CDON: variants seen among roughly 807,000 people sequenced by gnomAD.
CDON encodes cell adhesion molecule-related/down-regulated by oncogenes.
In CDON, 73 loss-of-function variants were observed where a neutral mutation model predicts 120.9. The observed-to-expected ratio is 0.60, with a 90% CI of 0.50 to 0.73. CDON has a LOEUF of 0.73. Among genes scored for constraint, CDON ranks in the 30% least tolerant of loss-of-function variants. The probability of loss-of-function intolerance (pLI) is 0.00; values close to 1 mark genes in which losing one functional copy is unlikely to be tolerated. For missense variants in CDON, 1,470 were observed against 1,587.3 expected (o/e 0.93, Z 1.26); for synonymous variants, 566 against 573.5 (o/e 0.99, Z 0.19).
In CDON at chr11:125,960,018, C is replaced by T. The variant is rs1196387260; in HGVS notation, c.*924G>A. 1 of 152,214 alleles carries T rather than the reference C, an allele frequency of 6.6e-6. No individual in the cohort carries two copies. Among genetic ancestry groups the T allele is most frequent in the African/African-American group, 2.4e-5 (1 of 41,450 alleles). The allele number at this position is 152,214 out of a possible 1,614,324, so 9.4% of individuals were successfully genotyped here. A position where few individuals can be genotyped will look rare whatever the true frequency, so the allele number is the denominator to read the frequency against. On this transcript the variant is annotated 3_prime_UTR_variant, in exon 20 of 20. Transcript: ENST00000531738. ...TGCCGTAATTCATCAAGACCTTACACTCCACCACGTCCATAACACTATGAC... is the reference window on the plus strand; with the variant it reads ...TGCCGTAATTCATCAAGACCTTACATTCCACCACGTCCATAACACTATGAC...
chr11:126,018,482 G>T lies in CDON; in HGVS notation c.497-9C>A. The T allele has an allele frequency of 6.2e-7, 1 of 1,613,108 alleles. No individual in the cohort carries two copies. The highest frequency in any genetic ancestry group is 8.5e-7 in the Non-Finnish European group (1 of 1,179,156). On this transcript the variant is annotated splice_polypyrimidine_tract_variant and intron_variant, in intron 4 of 19. Transcript: ENST00000531738. Reference sequence around the variant, plus strand: ...AAGGATTAAGTAATTCTCTGAGGAAGGAAGGGAGTGCAGTTAGGCCTCTCC... The same window carrying T: ...AAGGATTAAGTAATTCTCTGAGGAATGAAGGGAGTGCAGTTAGGCCTCTCC...
At chr11:126,046,032 A>G (rs1948399261) in intron 1 of CDON, among the ~76,000 whole-genome samples, 1 of 152,188 alleles carries the variant, frequency 6.6e-6, no homozygotes, top group Non-Finnish European at 1.5e-5. Flanking sequence ...CCTTTTTAGC[A>G]AAATACAGAA....
At chr11:125,994,461 A>G (rs1324582722) in intron 13 of CDON, 72 bp from the exon 14 acceptor site, 2 of 856,302 alleles carry the variant, frequency 2.3e-6, no homozygotes, top group Non-Finnish European at 4.0e-6. Flanking sequence ...AGGTTTCTTT[A>G]TCTACTTGGT....
At chr11:125,988,421 A>G (rs1353859597) in intron 15 of CDON, among the ~76,000 whole-genome samples, 3 of 152,100 alleles carry the variant, frequency 2.0e-5, no homozygotes, top group Admixed American at 6.6e-5. Flanking sequence ...TCTCGCCCAG[A>G]CTGGAGTGCA....
chr11:126,044,542 G>A (rs1185310926), intron 1 of CDON, among the ~76,000 whole-genome samples: 1 of 152,088 alleles, frequency 6.6e-6, no homozygotes, highest in Non-Finnish European at 1.5e-5. Flanking sequence ...ACACAAAATG[G>A]AATACTATTC....
rs772314963 is a variant in CDON, at chr11:125,981,136, C to A, written c.3189G>T (p.Gly1063=). 1.2e-6 allele frequency: 2 copies of A among 1,614,182 alleles called. No individual in the cohort carries two copies. Among genetic ancestry groups the A allele is most frequent in the South Asian group, 2.2e-5 (2 of 91,078 alleles). ...CGGAGTAAAGCCCTCCATTTAGGCT[C>A]CCATTCACAATTCCATTGACTGCAT... ...VPNAVNGIVN[G]SLNGGLYSGH... The change falls in exon 17 of 20, where the codon GGG becomes GGT. Residue 1063 remains glycine (G), a synonymous_variant. Transcript: ENST00000531738.
chr11:126,058,490 CTTCT>C (rs1948726751), intron 1 of CDON, among the ~76,000 whole-genome samples: 1 of 152,168 alleles, frequency 6.6e-6, no homozygotes, highest in African/African-American at 2.4e-5. Flanking sequence ...TTCAAAAAGG[CTTCT>C]TTATTTTCTG....
chr11:125,971,358 G>T (rs547718266), intron 18 of CDON, among the ~76,000 whole-genome samples: 29 of 149,872 alleles, frequency 1.9e-4, no homozygotes, highest in African/African-American at 6.9e-4. Flanking sequence ...ACTCCAGCCT[G>T]GGCGACACAG....
chr11:125,974,789 C>T (rs1392959101), intron 18 of CDON, among the ~76,000 whole-genome samples: 1 of 152,108 alleles, frequency 6.6e-6, no homozygotes, highest in Non-Finnish European at 1.5e-5. Context: ...ACTCATACTT[C>T]AACTCTAAAA....
Position 125,961,977 on chromosome 11 carries a change from G to T in CDON, c.3378C>A (p.Ser1126Arg). ...NNNRCFTKTN[S>R]TFSSSPPPVV... Reference sequence around the variant, plus strand: ...CAGGAGGAGGGCTGCTGCTGAAAGTGCTGTTGGTTTTGGTGAAACACCTGC... The same window carrying T: ...CAGGAGGAGGGCTGCTGCTGAAAGTTCTGTTGGTTTTGGTGAAACACCTGC... The change falls in exon 19 of 20, where the codon AGC (serine) becomes AGA (arginine). Residue 1126 changes from serine (S) to arginine (R), a missense_variant. Ser to Arg is a moderately radical substitution (Grantham distance 110). Coordinates refer to ENST00000531738, the MANE Select transcript of CDON (RefSeq NM_001378964.1). 1 of 1,614,220 alleles carries T rather than the reference G, an allele frequency of 6.2e-7. No homozygotes were observed. The highest frequency in any genetic ancestry group is 8.5e-7 in the Non-Finnish European group (1 of 1,180,036).
Position 125,994,879 on chromosome 11 carries a change from T to G in CDON, c.2536A>C (p.Lys846Gln). The change falls in exon 13 of 20, where the codon AAG (lysine) becomes CAG (glutamine). Residue 846 changes from lysine (K) to glutamine (Q), a missense_variant. Coordinates refer to ENST00000531738, the MANE Select transcript of CDON (RefSeq NM_001378964.1). ...AGAAGATGTGTACTGACCGTCCACT[T>G]TAGCATGATCTGAGTATCGCTGACA... The part of the protein sequence containing the change: ...EAVSDTQIML[K>Q]WTYIPSSNNN... 1 of 1,613,802 alleles carries G rather than the reference T, an allele frequency of 6.2e-7. No individual in the cohort carries two copies. The highest frequency in any genetic ancestry group is 8.5e-7 in the Non-Finnish European group (1 of 1,179,688).
intron 1 of CDON, among the ~76,000 whole-genome samples, chr11:126,050,336 A>G (rs137990659): frequency 2.2e-4 from 34 of 152,228 alleles, no homozygotes; most frequent in Admixed American, 2.2e-3. Flanking sequence ...AAAGTTCCAA[A>G]TAACACTTTT....
Position 125,994,953 on chromosome 11 carries a change from C to A in CDON, c.2462G>T (p.Arg821Leu). The A allele has an allele frequency of 6.2e-7, 1 of 1,613,824 alleles. No homozygotes were observed. The highest frequency in any genetic ancestry group is 8.5e-7 in the Non-Finnish European group (1 of 1,179,772). ...RPYQVVGFPNRFSSRPITGPH... is the reference protein window; with the variant it reads ...RPYQVVGFPNLFSSRPITGPH... ...TCCAGTTATTGGACGGCTGGAAAAG[C>A]GATTGGGGAACCCAACCACTTGATA... is the stretch of plus-strand genomic sequence containing the variant. The change falls in exon 13 of 20, where the codon CGC becomes CTC. Residue 821 changes from arginine (R) to leucine (L), a missense_variant. Arg to Leu is a moderately radical substitution (Grantham distance 102, BLOSUM62 -2). Coordinates refer to ENST00000531738, the MANE Select transcript of CDON (RefSeq NM_001378964.1).
At position 126,018,471 on chromosome 11, in the gene CDON, T is replaced by A; in HGVS notation, c.499A>T (p.Asn167Tyr). Residue 167 changes from asparagine (N) to tyrosine (Y), a missense_variant and splice_region_variant, in exon 5 of 20, where the codon AAT (asparagine) becomes TAT (tyrosine). Asn to Tyr is a moderately radical substitution (Grantham distance 143). Coordinates refer to ENST00000531738, the MANE Select transcript of CDON (RefSeq NM_001378964.1). The part of the protein sequence containing the change: ...RGKWLEHSTE[N>Y]YLILPSGNLQ... Reference sequence around the variant, plus strand: ...TTTCCTGATGGAAGGATTAAGTAATTCTCTGAGGAAGGAAGGGAGTGCAGT... The same window carrying A: ...TTTCCTGATGGAAGGATTAAGTAATACTCTGAGGAAGGAAGGGAGTGCAGT... The A allele has an allele frequency of 6.2e-7, 1 of 1,613,690 alleles. No homozygotes were observed. Among genetic ancestry groups the A allele is most frequent in the Non-Finnish European group, 8.5e-7 (1 of 1,179,630 alleles).
At chr11:126,002,079 C>A (rs978534842) in intron 10 of CDON, among the ~76,000 whole-genome samples, 4 of 151,986 alleles carry the variant, frequency 2.6e-5, no homozygotes, top group Non-Finnish European at 5.9e-5. Context: ...AAATGTCTTT[C>A]TTCATTCTAA....
chr11:125,997,397 T>C lies in CDON; in HGVS notation c.2172A>G (p.Pro724=). The part of the protein sequence containing the change: ...SSRHSGVPEA[P]DRPTISTASE... ...ATGCAGTGGAGATGGTAGGCCGATC[T>C]GGTGCCTCTGGAACTAAACACGGAA... The change falls in exon 12 of 20, where the codon CCA becomes CCG. Residue 724 remains proline (P), a synonymous_variant. Coordinates refer to ENST00000531738, the MANE Select transcript of CDON (RefSeq NM_001378964.1). The C allele has an allele frequency of 1.9e-6, 3 of 1,612,292 alleles. No individual in the cohort carries two copies. Among genetic ancestry groups the C allele is most frequent in the African/African-American group, 1.3e-5 (1 of 75,000 alleles).
In CDON at chr11:125,995,043, T is replaced by C; in HGVS notation, c.2372A>G (p.Tyr791Cys). Residue 791 changes from tyrosine to cysteine, a missense_variant, in exon 13 of 20, where the codon TAC becomes TGC. Transcript: ENST00000531738. ...GTTGATGGCAATGACCCTAAATTTG[T>C]ATGTTGAACCTTTGAGGGAAAACAA... is the stretch of plus-strand genomic sequence containing the variant. Reference protein sequence around the residue: ...EVRSLEPGSTYKFRVIAINHY... With the variant: ...EVRSLEPGSTCKFRVIAINHY... The C allele has an allele frequency of 6.2e-7, 1 of 1,613,888 alleles. No individual in the cohort carries two copies. The highest frequency in any genetic ancestry group is 8.5e-7 in the Non-Finnish European group (1 of 1,179,906).
At position 125,983,834 on chromosome 11, in the gene CDON, T is replaced by G. The variant is rs763948255; in HGVS notation, c.2995+38A>C. 6 of 1,454,682 alleles carry G rather than the reference T, an allele frequency of 4.1e-6. No homozygotes were observed. The East Asian group carries it at 1.1e-4, about 27-fold the overall frequency. The allele number at this position is 1,454,682 out of a possible 1,614,324, so 90.1% of individuals were successfully genotyped here. ...TTCTGACAATATTTGTCTACCCACC[T>G]TTAGAAAAAGAGAAGGAGATATTTA... On this transcript the variant is annotated intron_variant, in intron 16 of 19. Coordinates refer to ENST00000531738, the MANE Select transcript of CDON (RefSeq NM_001378964.1).
At chr11:125,970,833 C>A (rs1284624698) in intron 18 of CDON, among the ~76,000 whole-genome samples, 2 of 152,146 alleles carry the variant, frequency 1.3e-5, no homozygotes, top group African/African-American at 4.8e-5. Context: ...TGACAACAGG[C>A]GCTAGGTCTC....
Sources: gnomAD v4.1 joint callset for allele counts (sites outside exome capture counted in the v4.1 genomes callset) on GRCh38, gnomAD v4.1.1 for gene constraint, MANE v1.5 for transcripts, NCBI Gene and HGNC (gene_info 2026-07-23, HGNC 2026-07-21) for gene names.